The following PPARGC1A variants were observed in gnomAD, a reference collection of about 807,000 sequenced individuals.
PPARGC1A encodes the protein peroxisome proliferator-activated receptor gamma coactivator 1-alpha.
Under a neutral mutation model 88.7 loss-of-function variants are expected in PPARGC1A, and 25 were observed. That is an observed-to-expected ratio of 0.28 (90% CI 0.21 to 0.39). The LOEUF (loss-of-function observed/expected upper bound fraction) is 0.39. Ranked by LOEUF, PPARGC1A falls within the 10% of genes least tolerant of loss-of-function variation. The probability of loss-of-function intolerance (pLI) is 1.00; values close to 1 mark genes in which losing one functional copy is unlikely to be tolerated. For missense variants in PPARGC1A, 880 were observed against 968.7 expected (o/e 0.91, Z 1.22); for synonymous variants, 363 against 355.6 (o/e 1.02, Z -0.24).
chr4:24,436,810 C>G, the PPARGC1A span, among the ~76,000 whole-genome samples: 2 of 149,294 alleles, frequency 1.3e-5, no homozygotes, highest in African/African-American at 2.5e-5. Context: ...GTTGGCCACC[C>G]CAGAGCCCGG....
At chr4:24,410,273 C>T in the PPARGC1A span, among the ~76,000 whole-genome samples, 1 of 152,004 alleles carries the variant, frequency 6.6e-6, no homozygotes, top group Non-Finnish European at 1.5e-5. Context: ...CATTAAATAA[C>T]AATAGAATAT....
chr4:23,992,981 G>A, the PPARGC1A span, among the ~76,000 whole-genome samples: 2 of 152,194 alleles, frequency 1.3e-5, no homozygotes, highest in African/African-American at 2.4e-5. Context: ...CTAAAATACC[G>A]CTTATGTTTA....
chr4:24,387,020 ATGGTAC>A, the PPARGC1A span, among the ~76,000 whole-genome samples: 47 of 152,344 alleles, frequency 3.1e-4, no homozygotes, highest in Admixed American at 6.5e-4. Flanking sequence ...CCAAAACAGC[ATGGTAC>A]TGGTTCCAAA....
chr4:24,285,694 A>G, the PPARGC1A span, among the ~76,000 whole-genome samples: 4 of 152,184 alleles, frequency 2.6e-5, no homozygotes, highest in Admixed American at 2.6e-4. Context: ...TAAACTACCT[A>G]TTCTTGCAAC....
At chr4:24,354,889 A>ACT in the PPARGC1A span, among the ~76,000 whole-genome samples, 1 of 129,228 alleles carries the variant, frequency 7.7e-6, no homozygotes, top group Non-Finnish European at 1.8e-5. Context: ...TGTCAAAAAA[A>ACT]ACAAAAACAA....
At chr4:24,116,474 T>C in the PPARGC1A span, among the ~76,000 whole-genome samples, 1 of 152,218 alleles carries the variant, frequency 6.6e-6, no homozygotes, top group East Asian at 1.9e-4. Flanking sequence ...ACAAGATTTC[T>C]AAAAGCAATA....
At chr4:24,216,032 G>A in the PPARGC1A span, among the ~76,000 whole-genome samples, 6 of 151,832 alleles carry the variant, frequency 4.0e-5, no homozygotes, top group African/African-American at 1.4e-4. Flanking sequence ...TCCCAGGTAG[G>A]TATTTTCACC....
At chr4:23,896,597 A>G (rs1718631442) in intron 1 of PPARGC1A, among the ~76,000 whole-genome samples, 1 of 152,152 alleles carries the variant, frequency 6.6e-6, no homozygotes. Flanking sequence ...CCTCAGAGGT[A>G]GACCCAAAAC....
the PPARGC1A span, among the ~76,000 whole-genome samples, chr4:24,415,477 G>T: frequency 7.9e-5 from 12 of 152,280 alleles, no homozygotes; most frequent in African/African-American, 2.9e-4. Flanking sequence ...CAAAGGTTTT[G>T]ATTCTAGTCT....
At chr4:24,006,242 T>G in the PPARGC1A span, among the ~76,000 whole-genome samples, 1 of 152,072 alleles carries the variant, frequency 6.6e-6, no homozygotes, top group South Asian at 2.1e-4. Context: ...AGAGACGGGG[T>G]TTCATCATGT....
the PPARGC1A span, among the ~76,000 whole-genome samples, chr4:23,975,616 C>T: frequency 7.9e-5 from 12 of 152,124 alleles, no homozygotes; most frequent in Non-Finnish European, 1.8e-4. Flanking sequence ...CAGGGTTTCA[C>T]GATGTTGGCC....
chr4:23,802,146 C>G (rs1399216057), intron 11 of PPARGC1A, 78 bp downstream of exon 11: 34 of 1,589,368 alleles, frequency 2.1e-5, no homozygotes, highest in Non-Finnish European at 2.8e-5. Flanking sequence ...ATTGGCAACT[C>G]CCATCCCAGT....
the PPARGC1A span, among the ~76,000 whole-genome samples, chr4:24,306,535 T>G: frequency 6.6e-6 from 1 of 152,174 alleles, no homozygotes; most frequent in African/African-American, 2.4e-5. Context: ...GTACCTTATC[T>G]GCAAATTCTG....
chr4:24,236,174 A>G, the PPARGC1A span, among the ~76,000 whole-genome samples: 1 of 152,220 alleles, frequency 6.6e-6, no homozygotes, highest in Non-Finnish European at 1.5e-5. Flanking sequence ...CGGAAGCTTT[A>G]TAATGAGAAT....
chr4:23,901,741 G>C (rs1462390475), upstream of PPARGC1A, among the ~76,000 whole-genome samples: 1 of 152,062 alleles, frequency 6.6e-6, no homozygotes, highest in African/African-American at 2.4e-5. Context: ...TCAATATAAA[G>C]TCCATTGTAC....
the PPARGC1A span, among the ~76,000 whole-genome samples, chr4:24,114,143 A>G: frequency 1.3e-5 from 2 of 151,372 alleles, no homozygotes; most frequent in Admixed American, 6.6e-5. Flanking sequence ...AAAAAAAAAA[A>G]AAGAGGGATG....
the PPARGC1A span, among the ~76,000 whole-genome samples, chr4:24,218,155 A>G: frequency 6.6e-6 from 1 of 152,200 alleles, no homozygotes; most frequent in South Asian, 2.1e-4. Context: ...TTACCCAGAG[A>G]CCTGTTTAAT....
intron 1 of PPARGC1A, chr4:23,888,842 G>C: frequency 1.4e-6 from 1 of 711,924 alleles, no homozygotes; most frequent in Non-Finnish European, 1.7e-6. Flanking sequence ...CTTACCCTAC[G>C]TGCCCCCAGC....
chr4:24,431,745 C>T, the PPARGC1A span, among the ~76,000 whole-genome samples: 10 of 152,064 alleles, frequency 6.6e-5, no homozygotes, highest in Admixed American at 2.6e-4. Context: ...TAAAATATGC[C>T]GCTGAATCTC....
Sources: gnomAD v4.1 joint callset for allele counts (sites outside exome capture counted in the v4.1 genomes callset) on GRCh38, gnomAD v4.1.1 for gene constraint, MANE v1.5 for transcripts, NCBI Gene and HGNC (gene_info 2026-07-23, HGNC 2026-07-21) for gene names.